The following FOCAD variants were observed in gnomAD, a reference collection of about 807,000 sequenced individuals.
FOCAD encodes the protein KIAA1797.
A neutral mutation model predicts 225.6 loss-of-function variants in FOCAD; 198 were observed. The observed-to-expected ratio is 0.88, with a 90% CI of 0.78 to 0.99. FOCAD has a LOEUF of 0.99. Among genes scored for constraint, FOCAD ranks in the 50% least tolerant of loss-of-function variants. The probability of loss-of-function intolerance (pLI) is 0.00; values close to 1 mark genes in which losing one functional copy is unlikely to be tolerated. For synonymous variants in FOCAD, 897 were observed against 755.0 expected, an observed-to-expected ratio of 1.19 and a Z score of -3.08; for missense variants, 2,713 against 2,123.6, an observed-to-expected ratio of 1.28 and a Z score of -5.46.
In FOCAD at chr9:20,764,987, C is replaced by A. The variant is rs912644058; in HGVS notation, c.613C>A (p.Pro205Thr). The A allele has an allele frequency of 2.1e-5, 34 of 1,613,958 alleles. No homozygotes were observed. The highest frequency in any genetic ancestry group is 4.0e-5 in the African/African-American group (3 of 74,916). Reference protein sequence around the residue: ...RLALLKVLLQPQVLCDKDQPS... With the variant: ...RLALLKVLLQTQVLCDKDQPS... ...AGCCCTGCTGAAAGTCTTACTTCAA[C>A]CCCAGGTTCTTTGTGACAAAGATCA... Residue 205 changes from proline (P) to threonine (T), a missense_variant, in exon 7 of 44, where the codon CCC (proline) becomes ACC (threonine). Pro to Thr is a conservative substitution (Grantham distance 38, BLOSUM62 -1). Transcript: ENST00000338382.
intron 42 of FOCAD, among the ~76,000 whole-genome samples, chr9:20,992,429 C>T (rs1841748767): frequency 6.6e-6 from 1 of 152,150 alleles, no homozygotes; most frequent in South Asian, 2.1e-4. Context: ...CTATTTACTG[C>T]CCAGCCTAGG....
chr9:20,920,195 A>C (rs1436959764), intron 24 of FOCAD, among the ~76,000 whole-genome samples: 1 of 151,948 alleles, frequency 6.6e-6, no homozygotes, highest in African/African-American at 2.4e-5. Context: ...TTATGCAGCC[A>C]AAAAACACAT....
At position 20,929,498 on chromosome 9, in the gene FOCAD, A is replaced by C. The variant is rs536216899; in HGVS notation, c.3219A>C (p.Leu1073Phe). The change falls in exon 27 of 44, where the codon TTA becomes TTC. Residue 1073 changes from leucine to phenylalanine, a missense_variant. Leu to Phe is a conservative substitution (Grantham distance 22, BLOSUM62 0). Transcript: ENST00000338382. ...TCCTGAACATGCTGACTGCCAGGTT[A>C]CCTGGGAAACCAAGTGCTGATGAGT... ...EEILNMLTAR[L>F]PGKPSADESQ... 9.9e-6 allele frequency: 16 copies of C among 1,614,150 alleles called. No homozygotes were observed. The African/African-American group carries it at 1.5e-4, about 15-fold the overall frequency.
intron 28 of FOCAD, among the ~76,000 whole-genome samples, chr9:20,940,348 A>G (rs1836523118): frequency 6.8e-6 from 1 of 147,280 alleles, no homozygotes; most frequent in Non-Finnish European, 1.5e-5. Flanking sequence ...CAGTGATACC[A>G]CAATCATGGC....
intron 35 of FOCAD, among the ~76,000 whole-genome samples, chr9:20,970,137 T>TTC (rs1491277675): frequency 3.3e-5 from 5 of 150,942 alleles, no homozygotes; most frequent in Non-Finnish European, 7.4e-5. Context: ...ATTTTCAGTC[T>TTC]TTGTCTTTTA....
rs977796767 is a variant in FOCAD at position 20,794,952 on chromosome 9, G to C, written c.1455+5344G>C. On this transcript the variant is annotated intron_variant, in intron 11 of 43. Transcript: ENST00000338382. ...CTCAAGAATATATTCATACAAAATT[G>C]AAAACGAATCTAAGCAAACAGAGAA... 3.9e-5 allele frequency among the ~76,000 whole-genome samples: 6 copies of C among 151,936 alleles called. No individual in the cohort carries two copies. In the East Asian group the frequency reaches 1.2e-3, roughly 29 times the overall value.
At chr9:20,841,536 T>G (rs1826525715) in intron 15 of FOCAD, among the ~76,000 whole-genome samples, 1 of 151,878 alleles carries the variant, frequency 6.6e-6, no homozygotes, top group African/African-American at 2.4e-5. Flanking sequence ...GTTTTTCAAT[T>G]TATTGTCATA....
At chr9:20,962,871 T>C (rs1838882118) in intron 35 of FOCAD, among the ~76,000 whole-genome samples, 1 of 152,212 alleles carries the variant, frequency 6.6e-6, no homozygotes, top group African/African-American at 2.4e-5. Flanking sequence ...CTAAAAAACT[T>C]GTTTGAAAGA....
At chr9:20,799,850 T>C (rs1821590389) in intron 11 of FOCAD, among the ~76,000 whole-genome samples, 1 of 152,124 alleles carries the variant, frequency 6.6e-6, no homozygotes, top group Admixed American at 6.5e-5. Flanking sequence ...CATTTACATT[T>C]AAGGTTAATA....
intron 2 of FOCAD, 71 bp downstream of exon 2, chr9:20,715,481 A>G: frequency 3.1e-6 from 2 of 653,670 alleles, no homozygotes; most frequent in Non-Finnish European, 4.5e-6. Context: ...ACTGAACTTT[A>G]TATATTTAAT....
At position 20,891,096 on chromosome 9, in the gene FOCAD, A is replaced by T. The variant is rs533297237; in HGVS notation, c.2625+5866A>T. On this transcript the variant is annotated intron_variant, in intron 21 of 43. Transcript: ENST00000338382. The stretch of plus-strand genomic sequence containing the variant: ...ATCATGTCTGTTGTGATGATCTATG[A>T]TTAATGATCTTTGAAGTTACGATTG... Among the ~76,000 whole-genome samples, 205 of 152,286 alleles carry T rather than the reference A, an allele frequency of 1.3e-3. 3 individuals carry two copies. The highest frequency in any genetic ancestry group is 4.8e-3 in the African/African-American group (200 of 41,566).
At position 20,990,764 on chromosome 9, in the gene FOCAD, G is replaced by A. The variant is rs142402466; in HGVS notation, c.5256+390G>A. Among the ~76,000 whole-genome samples, 18 of 152,308 alleles carry A rather than the reference G, an allele frequency of 1.2e-4. 1 individual carries two copies. The East Asian group carries it at 3.3e-3, about 28-fold the overall frequency. On this transcript the variant is annotated intron_variant, in intron 42 of 43. Coordinates refer to ENST00000338382, the MANE Select transcript of FOCAD (RefSeq NM_001375567.1). ...CGTGTGATAAGTAAGATACAGTGGT[G>A]ATGAGCAAGGGAAGGAGTTGATCAA...
rs139120380 is a variant in FOCAD at position 20,870,463 on chromosome 9, A to G, written c.2190+3451A>G. Among the ~76,000 whole-genome samples the G allele has an allele frequency of 1.4e-3, 210 of 152,356 alleles. No homozygotes were observed. In the Middle Eastern group the frequency reaches 0.017, roughly 12 times the overall value. On this transcript the variant is annotated intron_variant, in intron 18 of 43. Coordinates refer to ENST00000338382, the MANE Select transcript of FOCAD (RefSeq NM_001375567.1). ...CATTTTGTGGGATACACTTTCCAGT[A>G]CAGATGGTCCCCAACTACGATGGTT...
chr9:20,776,231 C>T (rs191676841), intron 8 of FOCAD, among the ~76,000 whole-genome samples: 1 of 152,158 alleles, frequency 6.6e-6, no homozygotes, highest in Non-Finnish European at 1.5e-5. Context: ...GATTTGTCAG[C>T]TTTGGCCTAT....
intron 15 of FOCAD, among the ~76,000 whole-genome samples, chr9:20,859,231 C>T (rs1293058239): frequency 6.6e-6 from 1 of 151,864 alleles, no homozygotes; most frequent in Non-Finnish European, 1.5e-5. Context: ...ATTAAAAAAA[C>T]ATTATCTGGG....
intron 4 of FOCAD, among the ~76,000 whole-genome samples, chr9:20,731,145 G>A (rs1029113492): frequency 5.3e-5 from 8 of 152,156 alleles, no homozygotes; most frequent in African/African-American, 1.9e-4. Context: ...GGCTGAGGCA[G>A]GAGAATCTCT....
At chr9:20,784,078 C>A (rs1819668386) in intron 10 of FOCAD, among the ~76,000 whole-genome samples, 1 of 152,110 alleles carries the variant, frequency 6.6e-6, no homozygotes, top group African/African-American at 2.4e-5. Context: ...AGAGTCAGAC[C>A]TGGTAGGAGA....
chr9:20,995,491 T>A (rs1444490278), intron 43 of FOCAD, 65 bp from the exon 44 acceptor site: 1 of 1,357,656 alleles, frequency 7.4e-7, no homozygotes, highest in Admixed American at 1.7e-5. Context: ...CAAATTCTGT[T>A]CTGACACCTT....
intron 1 of FOCAD, among the ~76,000 whole-genome samples, chr9:20,689,858 A>T (rs1379307836): frequency 6.6e-6 from 1 of 152,192 alleles, no homozygotes; most frequent in African/African-American, 2.4e-5. Flanking sequence ...CAGTTGGCAT[A>T]GTACTGTTTC....
Sources: allele counts gnomAD v4.1 joint callset (sites outside exome capture counted in the v4.1 genomes callset), GRCh38; gene constraint gnomAD v4.1.1; transcripts MANE v1.5; gene names NCBI Gene and HGNC (gene_info 2026-07-23, HGNC 2026-07-21).